Variants in ZCCHC8 observed in about 807,000 individuals in gnomAD.
The protein encoded by ZCCHC8 is zinc finger CCHC domain-containing protein 8.
In ZCCHC8, 27 loss-of-function variants were observed where a neutral mutation model predicts 70.6. The ratio of observed to expected loss-of-function variants is 0.38; its 90% CI spans 0.28 to 0.53. The LOEUF is 0.53. Among genes scored for constraint, ZCCHC8 ranks in the 20% least tolerant of loss-of-function variants. The pLI is 0.81. For missense variants in ZCCHC8, 737 were observed against 876.9 expected, an observed-to-expected ratio of 0.84 and a Z score of 2.01; for synonymous variants, 293 against 317.4, an observed-to-expected ratio of 0.92 and a Z score of 0.82.
Position 122,490,344 on chromosome 12 carries a change from G to A in ZCCHC8, c.423+118C>T, listed in dbSNP as rs183526248. On this transcript the variant is annotated intron_variant, in intron 4 of 13. Transcript: ENST00000633063. ...CTTCGGAAAAGCAAGCCAGTAGAAG[G>A]AGAAGTGGTAAACGGTGTTAATCAT... 3.1e-4 allele frequency: 248 copies of A among 789,648 alleles called. No individual in the cohort carries two copies. In the East Asian group the frequency reaches 4.6e-3, roughly 15 times the overall value. 48.9% of individuals were successfully genotyped at this position (789,648 alleles called of 1,614,324 possible). A position where few individuals can be genotyped will look rare whatever the true frequency, so the allele number is the denominator to read the frequency against.
Position 122,483,189 on chromosome 12 carries a change from G to T in ZCCHC8, c.671+90C>A. Reference sequence around the variant, plus strand: ...CTGTAATTAACCTTAGAGTAAACCAGCAGTAAAGAACATGAACTTTTCAAG... The same window carrying T: ...CTGTAATTAACCTTAGAGTAAACCATCAGTAAAGAACATGAACTTTTCAAG... On this transcript the variant is annotated intron_variant, in intron 7 of 13. Coordinates refer to ENST00000633063, the MANE Select transcript of ZCCHC8 (RefSeq NM_017612.5). The surrounding 1 kb of genome is among the most constrained non-coding windows in gnomAD (Gnocchi z 4.4). 3 of 1,157,164 alleles carry T rather than the reference G, an allele frequency of 2.6e-6. No homozygotes were observed. The highest frequency in any genetic ancestry group is 1.2e-6 in the Non-Finnish European group (1 of 804,104). The allele number at this position is 1,157,164 out of a possible 1,614,324, so 71.7% of individuals were successfully genotyped here. A position where few individuals can be genotyped will look rare whatever the true frequency, so the allele number is the denominator to read the frequency against.
At position 122,496,048 on chromosome 12, in the gene ZCCHC8, T is replaced by G. The variant is rs182861606; in HGVS notation, c.242+2779A>C. ...CAGGTGTGGTGGCATGTTCCTGTGG[T>G]TCCAGCTACTCAGGAGGCTGAGATG... On this transcript the variant is annotated intron_variant, in intron 2 of 13. Transcript: ENST00000633063. Among the ~76,000 whole-genome samples the G allele has an allele frequency of 1.6e-4, 25 of 151,998 alleles. No homozygotes were observed. The East Asian group carries it at 4.2e-3, about 26-fold the overall frequency.
At chr12:122,485,402 C>G (rs1171295164) in intron 5 of ZCCHC8, among the ~76,000 whole-genome samples, 1 of 152,256 alleles carries the variant, frequency 6.6e-6, no homozygotes, top group African/African-American at 2.4e-5. Context: ...GCATGAGCCA[C>G]TGCGCCTGGC....
At chr12:122,480,919 TTTTTA>T (rs1957520813) in intron 10 of ZCCHC8, 1 of 152,364 alleles carries the variant, frequency 6.6e-6, no homozygotes, top group South Asian at 2.1e-4. Context: ...TGAAACCTGC[TTTTTA>T]AAAACTCAAT....
Position 122,483,800 on chromosome 12 carries a change from C to A in ZCCHC8, c.502-237G>T. On this transcript the variant is annotated intron_variant, in intron 5 of 13. Transcript: ENST00000633063. This position sits in a 1 kb window ranked among gnomAD's most constrained non-coding sequence, Gnocchi z 4.4. ...TTGGATCATGACTATCAGCTGCATT[C>A]TCTACAGAATTCAAACAAAAAATGA... 2.3e-6 allele frequency: 1 copy of A among 427,626 alleles called. No homozygotes were observed. Among genetic ancestry groups the A allele is most frequent in the Non-Finnish European group, 4.1e-6 (1 of 242,328 alleles). 26.5% of individuals were successfully genotyped at this position (427,626 alleles called of 1,614,324 possible).
chr12:122,491,171 G>A (rs967862303), intron 3 of ZCCHC8: 6 of 152,254 alleles, frequency 3.9e-5, no homozygotes, highest in African/African-American at 1.4e-4. Flanking sequence ...TTCAGGAGGT[G>A]TCAAAGGAGC....
At chr12:122,493,855 T>A (rs1262409517) in intron 2 of ZCCHC8, among the ~76,000 whole-genome samples, 1 of 151,882 alleles carries the variant, frequency 6.6e-6, no homozygotes, top group Non-Finnish European at 1.5e-5. Flanking sequence ...CCTCGTGATC[T>A]GCCCGCCTCG....
Position 122,500,486 on chromosome 12 carries a change from C to A in ZCCHC8, c.199+156G>T. 2 of 1,018,786 alleles carry A rather than the reference C, an allele frequency of 2.0e-6. No individual in the cohort carries two copies. The highest frequency in any genetic ancestry group is 5.3e-5 in the East Asian group (2 of 37,814). The allele number at this position is 1,018,786 out of a possible 1,614,324, so 63.1% of individuals were successfully genotyped here. On this transcript the variant is annotated intron_variant, in intron 1 of 13. Transcript: ENST00000633063. This position sits in a 1 kb window ranked among gnomAD's most constrained non-coding sequence, Gnocchi z 4.8. ...CTGCGCGCCCCGAACCCTAGACTCT[C>A]GGTCCGCCGGCGGGTGACAGAAAGC...
chr12:122,472,992 G>A lies in ZCCHC8; in HGVS notation c.*505C>T, dbSNP rs1239250225. 1 of 154,164 alleles carries A rather than the reference G, an allele frequency of 6.5e-6. No homozygotes were observed. Among genetic ancestry groups the A allele is most frequent in the Non-Finnish European group, 1.4e-5 (1 of 69,352 alleles). The allele number at this position is 154,164 out of a possible 1,614,324, so 9.5% of individuals were successfully genotyped here. ...AGGATGAAGTTACAAAAAAGTAAAAGTATTACTAAAATTGACACATGTAAA... is the reference window on the plus strand; with the variant it reads ...AGGATGAAGTTACAAAAAAGTAAAAATATTACTAAAATTGACACATGTAAA... On this transcript the variant is annotated 3_prime_UTR_variant, in exon 14 of 14. Coordinates refer to ENST00000633063, the MANE Select transcript of ZCCHC8 (RefSeq NM_017612.5).
At chr12:122,499,999 T>A (rs1159404824) in intron 1 of ZCCHC8, 1 of 152,206 alleles carries the variant, frequency 6.6e-6, no homozygotes, top group Non-Finnish European at 1.5e-5. Flanking sequence ...ATCTGCAATC[T>A]TGTAACTCAA....
chr12:122,498,441 AT>A (rs979440148), intron 2 of ZCCHC8, among the ~76,000 whole-genome samples: 16 of 147,722 alleles, frequency 1.1e-4, no homozygotes, highest in Non-Finnish European at 1.2e-4. Flanking sequence ...TTATACTATA[AT>A]TTTTTTTTTT....
At chr12:122,475,208 G>A (rs1335887832) in intron 13 of ZCCHC8, among the ~76,000 whole-genome samples, 7 of 150,930 alleles carry the variant, frequency 4.6e-5, no homozygotes, top group African/African-American at 4.9e-5. Context: ...CAACATGCCC[G>A]GCTGTTTTGT....
rs1171711944 is a variant in ZCCHC8 at position 122,473,127 on chromosome 12, A to G, written c.*370T>C. Reference sequence around the variant, plus strand: ...AAAATGGTAGAATTTTTTCTTTTAAAAAGTGATATATTAAACTTATATACA... The same window carrying G: ...AAAATGGTAGAATTTTTTCTTTTAAGAAGTGATATATTAAACTTATATACA... On this transcript the variant is annotated 3_prime_UTR_variant, in exon 14 of 14. Coordinates refer to ENST00000633063, the MANE Select transcript of ZCCHC8 (RefSeq NM_017612.5). 6.0e-6 allele frequency: 1 copy of G among 166,068 alleles called. No homozygotes were observed. The highest frequency in any genetic ancestry group is 2.4e-5 in the African/African-American group (1 of 41,922). 10.3% of individuals were successfully genotyped at this position (166,068 alleles called of 1,614,324 possible). A position where few individuals can be genotyped will look rare whatever the true frequency, so the allele number is the denominator to read the frequency against.
intron 2 of ZCCHC8, 91 bp from the exon 3 acceptor site, chr12:122,492,880 T>C: frequency 1.1e-6 from 1 of 927,888 alleles, no homozygotes; most frequent in Non-Finnish European, 1.7e-6. Flanking sequence ...ACTTTTTTTT[T>C]CCTTTTTTGA....
chr12:122,496,209 T>G (rs1445045708), intron 2 of ZCCHC8, among the ~76,000 whole-genome samples: 1 of 152,140 alleles, frequency 6.6e-6, no homozygotes, highest in African/African-American at 2.4e-5. Flanking sequence ...AACTTCTGAT[T>G]ATAACAGTTT....
In ZCCHC8 at chr12:122,473,918, G is replaced by A. The variant is rs763856281; in HGVS notation, c.1703C>T (p.Pro568Leu). The A allele has an allele frequency of 4.2e-5, 68 of 1,613,702 alleles. No individual in the cohort carries two copies. The highest frequency in any genetic ancestry group is 1.2e-4 in the Admixed American group (7 of 59,956). ...CTGCTTTTCAGATGTTTTTCCCTCC[G>A]GGACAGGGAGGTCTAGCTCATTTGG... is the stretch of plus-strand genomic sequence containing the variant. ...PCPNELDLPVPEGKTSEKQTL... is the reference protein window; with the variant it reads ...PCPNELDLPVLEGKTSEKQTL... The change falls in exon 14 of 14, where the codon CCG (proline) becomes CTG (leucine). Residue 568 changes from proline (P) to leucine (L), a missense_variant. By Grantham distance (98) the Pro-to-Leu change is moderately conservative (BLOSUM62 -3). Coordinates refer to ENST00000633063, the MANE Select transcript of ZCCHC8 (RefSeq NM_017612.5).
Position 122,498,980 on chromosome 12 carries a change from C to T in ZCCHC8, c.200-111G>A, listed in dbSNP as rs1208977189. ...GAATATTATAAAGACAAAAGACCCA[C>T]GGATATTTTGAGGATGACACACTTA... On this transcript the variant is annotated intron_variant, in intron 1 of 13. Transcript: ENST00000633063. 3.9e-6 allele frequency: 4 copies of T among 1,028,822 alleles called. No individual in the cohort carries two copies. In the African/African-American group the frequency reaches 6.4e-5, roughly 17 times the overall value. The allele number at this position is 1,028,822 out of a possible 1,614,324, so 63.7% of individuals were successfully genotyped here. A position where few individuals can be genotyped will look rare whatever the true frequency, so the allele number is the denominator to read the frequency against.
Position 122,500,693 on chromosome 12 carries a change from G to C in ZCCHC8, c.148C>G (p.Arg50Gly). 1 of 1,581,556 alleles carries C rather than the reference G, an allele frequency of 6.3e-7. No individual in the cohort carries two copies. The highest frequency in any genetic ancestry group is 2.3e-5 in the East Asian group (1 of 42,970). Residue 50 changes from arginine (R) to glycine (G), a missense_variant, in exon 1 of 14, where the codon CGG becomes GGG. Coordinates refer to ENST00000633063, the MANE Select transcript of ZCCHC8 (RefSeq NM_017612.5). The surrounding 1 kb of genome is among the most constrained non-coding windows in gnomAD (Gnocchi z 4.8). ...DENGVGDAEL[R>G]ERLRQCEETI... ...TCCTCGCACTGCCGAAGCCGCTCCC[G>C]TAGCTCCGCGTCGCCGACCCCATTT...
Position 122,491,549 on chromosome 12 carries a change from C to T in ZCCHC8, c.318-982G>A, listed in dbSNP as rs375361758. ...CATCTCAAAAAAAAAAAAAAAAAAG[C>T]CAGGTGCGGTGCCTCATACCTGTAA... On this transcript the variant is annotated intron_variant, in intron 3 of 13. Transcript: ENST00000633063. Among the ~76,000 whole-genome samples the T allele has an allele frequency of 4.5e-5, 6 of 133,006 alleles. No individual in the cohort carries two copies. In the East Asian group the frequency reaches 1.1e-3, roughly 23 times the overall value. 87.3% of individuals were successfully genotyped at this position (133,006 alleles called of 152,430 possible).
Sources: allele counts gnomAD v4.1 joint callset (sites outside exome capture counted in the v4.1 genomes callset), GRCh38; gene constraint gnomAD v4.1.1; non-coding constraint Gnocchi (gnomAD v3.1); transcripts MANE v1.5; gene names NCBI Gene and HGNC (gene_info 2026-07-23, HGNC 2026-07-21).